Variants in TRDN observed in about 807,000 individuals in gnomAD.
TRDN encodes triadin in skeletal muscle.
A neutral mutation model predicts 149.7 loss-of-function variants in TRDN; 161 were observed. That is an observed-to-expected ratio of 1.08 (90% CI 0.95 to 1.23). The LOEUF is 1.23. Ranked by LOEUF, TRDN falls within the 50% of genes most tolerant of loss-of-function variation. The pLI, the probability that TRDN is intolerant of heterozygous loss-of-function variation, is 0.00. For missense variants in TRDN, 896 were observed against 823.5 expected (o/e 1.09, Z -1.08); for synonymous variants, 294 against 250.5 (o/e 1.17, Z -1.64).
At chr6:123,461,720 T>A (rs984583392) in intron 10 of TRDN, among the ~76,000 whole-genome samples, 1 of 152,178 alleles carries the variant, frequency 6.6e-6, no homozygotes, top group African/African-American at 2.4e-5. Flanking sequence ...CGCTGAGGAT[T>A]CTGAGAAATA....
chr6:123,548,627 A>T lies in TRDN; in HGVS notation c.233-15T>A, dbSNP rs1781236364. The T allele has an allele frequency of 1.8e-6, 1 of 559,874 alleles. No homozygotes were observed. Among genetic ancestry groups the T allele is most frequent in the Non-Finnish European group, 2.3e-6 (1 of 435,074 alleles). The allele number at this position is 559,874 out of a possible 1,614,324, so 34.7% of individuals were successfully genotyped here. A position where few individuals can be genotyped will look rare whatever the true frequency, so the allele number is the denominator to read the frequency against. On this transcript the variant is annotated splice_polypyrimidine_tract_variant and intron_variant, in intron 2 of 40. Transcript: ENST00000334268. ...AATAGAGCTTGCTAAAAGTAATTAAAAAAAAAAAAAAAGAAAAAGTTTGTG... is the reference window on the plus strand; with the variant it reads ...AATAGAGCTTGCTAAAAGTAATTAATAAAAAAAAAAAAGAAAAAGTTTGTG...
intron 19 of TRDN, among the ~76,000 whole-genome samples, chr6:123,369,475 C>T (rs1404927545): frequency 6.6e-6 from 1 of 152,064 alleles, no homozygotes; most frequent in East Asian, 1.9e-4. Flanking sequence ...TGAAGGAAGA[C>T]CCCCACCCTG....
intron 9 of TRDN, among the ~76,000 whole-genome samples, chr6:123,477,293 A>G (rs1412166192): frequency 1.5e-5 from 2 of 137,012 alleles, no homozygotes; most frequent in Non-Finnish European, 3.2e-5. Context: ...TATGCAGCCA[A>G]AAAACACATG....
chr6:123,525,782 C>A (rs1779914587), intron 5 of TRDN, among the ~76,000 whole-genome samples: 1 of 152,040 alleles, frequency 6.6e-6, no homozygotes, highest in African/African-American at 2.4e-5. Context: ...GTCAAGACTT[C>A]TTTCTAAATG....
chr6:123,349,574 T>C (rs990738636), intron 21 of TRDN: 50 of 882,680 alleles, frequency 5.7e-5, no homozygotes, highest in Non-Finnish European at 6.2e-5. Flanking sequence ...AAGCAAATAA[T>C]TAAATACAAT....
At chr6:123,274,084 T>A (rs1316166725) in intron 27 of TRDN, among the ~76,000 whole-genome samples, 1 of 152,122 alleles carries the variant, frequency 6.6e-6, no homozygotes, top group Non-Finnish European at 1.5e-5. Context: ...TAACTTATTT[T>A]CTGAACTTGA....
intron 38 of TRDN, among the ~76,000 whole-genome samples, chr6:123,224,663 A>ATAG (rs1268492186): frequency 6.6e-6 from 1 of 151,806 alleles, no homozygotes; most frequent in East Asian, 1.9e-4. Context: ...TGGGGGAAAG[A>ATAG]TAGTCTCTTC....
At chr6:123,502,998 T>C (rs1778764751) in intron 8 of TRDN, 27 of 985,172 alleles carry the variant, frequency 2.7e-5, no homozygotes, top group Non-Finnish European at 3.1e-5. Flanking sequence ...TATATTCACA[T>C]AGCAACCTTC....
intron 12 of TRDN, among the ~76,000 whole-genome samples, chr6:123,422,138 G>A (rs1773932485): frequency 6.6e-6 from 1 of 152,042 alleles, no homozygotes; most frequent in African/African-American, 2.4e-5. Context: ...ATGTGCGTAG[G>A]TTATATGCAA....
At chr6:123,339,408 C>T (rs1322984148) in intron 21 of TRDN, among the ~76,000 whole-genome samples, 1 of 152,078 alleles carries the variant, frequency 6.6e-6, no homozygotes, top group Non-Finnish European at 1.5e-5. Flanking sequence ...ACCTGAGATA[C>T]AAAATGTAAA....
intron 4 of TRDN, among the ~76,000 whole-genome samples, chr6:123,541,096 A>G (rs988729418): frequency 3.9e-5 from 6 of 152,224 alleles, no homozygotes; most frequent in Non-Finnish European, 7.3e-5. Context: ...TAGACCTAGC[A>G]GCTTCCCCCT....
intron 1 of TRDN, among the ~76,000 whole-genome samples, chr6:123,607,148 T>C (rs1784564471): frequency 6.6e-6 from 1 of 152,208 alleles, no homozygotes; most frequent in Non-Finnish European, 1.5e-5. Flanking sequence ...TTGTATTAAT[T>C]AGGGATTACT....
chr6:123,503,817 T>G lies in TRDN; in HGVS notation c.695A>C (p.Gln232Pro), dbSNP rs760616257. ...VKGGKQEKVK[Q>P]TAAKVKEVQK... ...TACTTCTTTTACTTTTGCAGCTGTT[T>G]GCTTCACTTTCTCCTGTTTTCCACC... Residue 232 changes from glutamine to proline, a missense_variant, in exon 8 of 41, where the codon CAA becomes CCA. Physicochemically the swap from Gln to Pro is moderately conservative, Grantham distance 76. Transcript: ENST00000334268. 3 of 1,610,532 alleles carry G rather than the reference T, an allele frequency of 1.9e-6. No homozygotes were observed. Among genetic ancestry groups the G allele is most frequent in the Non-Finnish European group, 2.5e-6 (3 of 1,177,996 alleles).
intron 24 of TRDN, among the ~76,000 whole-genome samples, chr6:123,306,862 T>C (rs943861175): frequency 2.0e-5 from 3 of 151,502 alleles, no homozygotes; most frequent in African/African-American, 4.8e-5. Flanking sequence ...CAAATGCATG[T>C]CATGTTTGCC....
chr6:123,311,377 G>T (rs1025543846), intron 24 of TRDN, among the ~76,000 whole-genome samples: 2 of 151,952 alleles, frequency 1.3e-5, no homozygotes, highest in African/African-American at 2.4e-5. Context: ...TACAATTTGA[G>T]ATGAGATTTG....
In TRDN at chr6:123,405,457, C is replaced by T. The variant is rs80101350; in HGVS notation, c.1052-11780G>A. 9.4e-3 allele frequency among the ~76,000 whole-genome samples: 1,428 copies of T among 152,172 alleles called. 21 individuals are homozygous for T. The highest frequency in any genetic ancestry group is 0.033 in the African/African-American group (1,368 of 41,520). On this transcript the variant is annotated intron_variant, in intron 12 of 40. Transcript: ENST00000334268. Reference sequence around the variant, plus strand: ...GAAATTTTTATAAATATGAACTATACGCTGAGTTTTAAAATTAAAGAGTTT... The same window carrying T: ...GAAATTTTTATAAATATGAACTATATGCTGAGTTTTAAAATTAAAGAGTTT...
chr6:123,350,348 A>G lies in TRDN; in HGVS notation c.1369+2191T>C, dbSNP rs893909659. 4 of 946,740 alleles carry G rather than the reference A, an allele frequency of 4.2e-6. No individual in the cohort carries two copies. The African/African-American group carries it at 5.3e-5, about 13-fold the overall frequency. 58.6% of individuals were successfully genotyped at this position (946,740 alleles called of 1,614,324 possible). ...ATATGCACAATTATACTCAGATCAC[A>G]AAGTGTACTTAAACTCTATTAAGAG... On this transcript the variant is annotated intron_variant, in intron 21 of 40. Transcript: ENST00000334268.
chr6:123,217,941 T>C lies in TRDN; in HGVS notation c.*660A>G, dbSNP rs1324447002. The C allele has an allele frequency of 6.6e-6, 1 of 151,950 alleles. No individual in the cohort carries two copies. The highest frequency in any genetic ancestry group is 1.9e-4 in the East Asian group (1 of 5,162). The allele number at this position is 151,950 out of a possible 1,614,324, so 9.4% of individuals were successfully genotyped here. A position where few individuals can be genotyped will look rare whatever the true frequency, so the allele number is the denominator to read the frequency against. On this transcript the variant is annotated 3_prime_UTR_variant, in exon 41 of 41. Coordinates refer to ENST00000334268, the MANE Select transcript of TRDN (RefSeq NM_006073.4). ...AATGTCCTAATTATCATTCAAGACA[T>C]ATCTTAAAGATTTATCAAGCATTTA...
chr6:123,236,333 CT>C (rs1174533375), intron 38 of TRDN, among the ~76,000 whole-genome samples: 1 of 152,114 alleles, frequency 6.6e-6, no homozygotes, highest in African/African-American at 2.4e-5. Context: ...GTGTTAAAAT[CT>C]TTTGTTTACT....
Sources: allele counts gnomAD v4.1 joint callset (sites outside exome capture counted in the v4.1 genomes callset), GRCh38; gene constraint gnomAD v4.1.1; transcripts MANE v1.5; gene names NCBI Gene and HGNC (gene_info 2026-07-23, HGNC 2026-07-21).